Variants in PTPRQ observed in about 807,000 individuals in gnomAD.
PTPRQ encodes the protein protein tyrosine phosphatase receptor type Q.
Under a neutral mutation model 246.0 loss-of-function variants are expected in PTPRQ, and 199 were observed. The observed-to-expected ratio is 0.81, with a 90% CI of 0.72 to 0.91. The LOEUF (loss-of-function observed/expected upper bound fraction) is 0.91, where lower values mean the gene tolerates loss of function less well. Among genes scored for constraint, PTPRQ ranks in the 40% least tolerant of loss-of-function variants. The pLI is 0.00. For missense variants in PTPRQ, 2,624 were observed against 2,528.4 expected (o/e 1.04, Z -0.81); for synonymous variants, 869 against 853.2 (o/e 1.02, Z -0.32).
intron 17 of PTPRQ, among the ~76,000 whole-genome samples, chr12:80,518,106 T>C (rs913220719): frequency 1.3e-5 from 2 of 152,182 alleles, no homozygotes; most frequent in African/African-American, 4.8e-5. Flanking sequence ...ACCAACAGTG[T>C]ACAAGGGTTC....
At chr12:80,458,932 G>T (rs893616842) in intron 4 of PTPRQ, among the ~76,000 whole-genome samples, 1 of 151,984 alleles carries the variant, frequency 6.6e-6, no homozygotes, top group African/African-American at 2.4e-5. Flanking sequence ...GATTCAGTTT[G>T]CTATGTTTTT....
intron 26 of PTPRQ, among the ~76,000 whole-genome samples, chr12:80,592,671 TGGA>T (rs1158761948): frequency 2.0e-5 from 3 of 152,080 alleles, no homozygotes; most frequent in African/African-American, 7.2e-5. Context: ...AAAAATAATT[TGGA>T]TGAAGAATAT....
At chr12:80,491,818 C>T (rs1008132848) in intron 9 of PTPRQ, among the ~76,000 whole-genome samples, 5 of 151,666 alleles carry the variant, frequency 3.3e-5, no homozygotes, top group Admixed American at 3.3e-4. Context: ...TTCCTAAGGC[C>T]TAGAAAACCT....
At chr12:80,445,244 T>C (rs746718919) in intron 2 of PTPRQ, among the ~76,000 whole-genome samples, 1 of 151,944 alleles carries the variant, frequency 6.6e-6, no homozygotes, top group Non-Finnish European at 1.5e-5. Flanking sequence ...AAAAATGATT[T>C]GGCAACAAAA....
intron 26 of PTPRQ, 61 bp downstream of exon 26, chr12:80,588,513 T>C: frequency 1.5e-6 from 2 of 1,372,608 alleles, no homozygotes; most frequent in South Asian, 4.2e-5. Flanking sequence ...TGTCTATATA[T>C]TATGCTTTAT....
intron 17 of PTPRQ, among the ~76,000 whole-genome samples, chr12:80,512,973 G>T (rs1016488078): frequency 6.6e-6 from 1 of 152,078 alleles, no homozygotes; most frequent in Admixed American, 6.5e-5. Context: ...AAACCTCTAG[G>T]GGGAGCATGC....
intron 16 of PTPRQ, among the ~76,000 whole-genome samples, chr12:80,510,090 C>T (rs1457907851): frequency 6.6e-6 from 1 of 152,008 alleles, no homozygotes; most frequent in East Asian, 1.9e-4. Flanking sequence ...TCTTCTTTCT[C>T]ATGAAATATT....
At chr12:80,454,993 G>A (rs540099981) in intron 3 of PTPRQ, among the ~76,000 whole-genome samples, 211 of 152,250 alleles carry the variant, frequency 1.4e-3, no homozygotes, top group Non-Finnish European at 1.8e-3. Context: ...CCAATATGGC[G>A]AAATCCCATC....
intron 26 of PTPRQ, among the ~76,000 whole-genome samples, chr12:80,594,069 A>C (rs189898260): frequency 4.9e-4 from 74 of 152,334 alleles, no homozygotes; most frequent in African/African-American, 1.2e-3. Flanking sequence ...GAAGTTTCTA[A>C]GGAATGCAAC....
rs920712550 is a variant in PTPRQ, at chr12:80,619,456, C to G, written c.5303C>G (p.Thr1768Arg). The G allele has an allele frequency of 5.8e-6, 9 of 1,548,208 alleles. No individual in the cohort carries two copies. The African/African-American group carries it at 1.1e-4, about 19-fold the overall frequency. ...ATGKLLVTSTTITIRMPICYY... is the reference protein window; with the variant it reads ...ATGKLLVTSTRITIRMPICYY... ...GGAAAACTGCTTGTGACTTCAACAA[C>G]AATTACAATCAGAATGCCAATATGT... The change falls in exon 31 of 45, where the codon ACA becomes AGA. Residue 1768 changes from threonine to arginine, a missense_variant. Transcript: ENST00000644991.
At chr12:80,520,607 G>A (rs1014560003) in intron 17 of PTPRQ, among the ~76,000 whole-genome samples, 13 of 149,016 alleles carry the variant, frequency 8.7e-5, no homozygotes, top group Non-Finnish European at 1.0e-4. Context: ...GAGAACATGC[G>A]GTGTTTGGTT....
At chr12:80,580,436 T>G (rs1331357907) in intron 25 of PTPRQ, among the ~76,000 whole-genome samples, 1 of 152,160 alleles carries the variant, frequency 6.6e-6, no homozygotes, top group Non-Finnish European at 1.5e-5. Flanking sequence ...TTTGAGGTTT[T>G]TAGTCATTCT....
intron 14 of PTPRQ, among the ~76,000 whole-genome samples, chr12:80,504,153 C>T (rs1033250411): frequency 1.5e-4 from 23 of 151,654 alleles, no homozygotes; most frequent in African/African-American, 4.8e-4. Context: ...AGACCCCCTC[C>T]GGATATCATC....
chr12:80,505,097 T>A (rs1309728797), intron 14 of PTPRQ, among the ~76,000 whole-genome samples: 1 of 151,900 alleles, frequency 6.6e-6, no homozygotes, highest in African/African-American at 2.4e-5. Flanking sequence ...TCACTCATCT[T>A]TCAGCGGGCC....
At chr12:80,537,464 G>T (rs1417936129) in intron 19 of PTPRQ, among the ~76,000 whole-genome samples, 1 of 152,102 alleles carries the variant, frequency 6.6e-6, no homozygotes, top group African/African-American at 2.4e-5. Context: ...TGTAGAAAAA[G>T]AATTGTGTAA....
At chr12:80,455,175 C>A (rs548934837) in intron 3 of PTPRQ, among the ~76,000 whole-genome samples, 1 of 149,248 alleles carries the variant, frequency 6.7e-6, no homozygotes, top group Admixed American at 6.6e-5. Flanking sequence ...CGCCGCCAAA[C>A]AAAACAAAAC....
intron 39 of PTPRQ, among the ~76,000 whole-genome samples, chr12:80,662,553 C>G (rs1184609541): frequency 6.6e-6 from 1 of 152,000 alleles, no homozygotes; most frequent in Non-Finnish European, 1.5e-5. Context: ...ATCAACCCTA[C>G]TTTATTCATT....
At chr12:80,583,045 A>T (rs1398621356) in intron 25 of PTPRQ, among the ~76,000 whole-genome samples, 1 of 152,072 alleles carries the variant, frequency 6.6e-6, no homozygotes, top group East Asian at 1.9e-4. Context: ...AGTGTTTTCA[A>T]TGTGTGACAC....
At position 80,528,359 on chromosome 12, in the gene PTPRQ, G is replaced by C. The variant is rs147066687; in HGVS notation, c.2679-5656G>C. Among the ~76,000 whole-genome samples the C allele has an allele frequency of 2.9e-3, 445 of 152,230 alleles. 2 individuals are homozygous for C. Among genetic ancestry groups the C allele is most frequent in the African/African-American group, 1.0e-2 (415 of 41,552 alleles). On this transcript the variant is annotated intron_variant, in intron 17 of 44. Coordinates refer to ENST00000644991, the MANE Select transcript of PTPRQ (RefSeq NM_001145026.2). ...TGTGGCTATAAACCCATTGAAGCCAGAGGTTATGTCTTTGTCACCTTCATA... is the reference window on the plus strand; with the variant it reads ...TGTGGCTATAAACCCATTGAAGCCACAGGTTATGTCTTTGTCACCTTCATA...
Sources: allele counts gnomAD v4.1 joint callset (sites outside exome capture counted in the v4.1 genomes callset), GRCh38; gene constraint gnomAD v4.1.1; transcripts MANE v1.5; gene names NCBI Gene and HGNC (gene_info 2026-07-23, HGNC 2026-07-21).